The following PHF19 variants were observed in gnomAD, a reference collection of about 807,000 sequenced individuals.
PHF19 encodes PHD finger protein 19.
Under a neutral mutation model 79.8 loss-of-function variants are expected in PHF19, and 21 were observed. That is an observed-to-expected ratio of 0.26 (90% CI 0.19 to 0.38). The LOEUF is 0.38. Ranked by LOEUF, PHF19 falls within the 10% of genes least tolerant of loss-of-function variation. The pLI is 1.00. For missense variants in PHF19, 445 were observed against 744.2 expected (o/e 0.60, Z 4.68); for synonymous variants, 273 against 296.3 (o/e 0.92, Z 0.81).
At chr9:120,859,002 C>G (rs1479730657) in intron 14 of PHF19, among the ~76,000 whole-genome samples, 1 of 152,076 alleles carries the variant, frequency 6.6e-6, no homozygotes, top group Non-Finnish European at 1.5e-5. Flanking sequence ...GCCTGTAGTC[C>G]CAGCTACTCC....
Position 120,862,042 on chromosome 9 carries a change from G to C in PHF19, c.1131-37C>G, listed in dbSNP as rs750867886. 1 of 1,496,236 alleles carries C rather than the reference G, an allele frequency of 6.7e-7. No homozygotes were observed. The highest frequency in any genetic ancestry group is 2.3e-5 in the East Asian group (1 of 44,298). The allele number at this position is 1,496,236 out of a possible 1,614,324, so 92.7% of individuals were successfully genotyped here. A position where few individuals can be genotyped will look rare whatever the true frequency, so the allele number is the denominator to read the frequency against. On this transcript the variant is annotated intron_variant, in intron 11 of 14. Coordinates refer to ENST00000373896, the MANE Select transcript of PHF19 (RefSeq NM_015651.3). The surrounding 1 kb of genome is among the most constrained non-coding windows in gnomAD (Gnocchi z 4.6). ...GAAGAGGGAGAAGGTGGCCCCGTCA[G>C]AGCCTGAGGGCCCTAGGGTGGCCCA...
upstream of PHF19, among the ~76,000 whole-genome samples, chr9:120,899,298 A>G (rs1249808467): frequency 6.6e-6 from 1 of 151,956 alleles, no homozygotes; most frequent in African/African-American, 2.4e-5. Context: ...GGAGATCCAG[A>G]CCATCCTGGC....
upstream of PHF19, among the ~76,000 whole-genome samples, chr9:120,898,116 C>A (rs2046416634): frequency 6.6e-6 from 1 of 152,122 alleles, no homozygotes; most frequent in Non-Finnish European, 1.5e-5. Flanking sequence ...CAAACAATCT[C>A]TCTAAGATTG....
At chr9:120,886,658 C>T (rs1413302174) in intron 1 of PHF19, among the ~76,000 whole-genome samples, 10 of 152,220 alleles carry the variant, frequency 6.6e-5, no homozygotes, top group African/African-American at 1.4e-4. Flanking sequence ...CCCACTCCAA[C>T]GGCTGGTTCA....
upstream of PHF19, chr9:120,894,915 G>T: frequency 3.0e-6 from 2 of 662,614 alleles, no homozygotes; most frequent in South Asian, 7.6e-5. Context: ...TCAGAGAGTC[G>T]ACTCCTTAAA....
At chr9:120,877,293 G>T, upstream of PHF19, 1 of 958,948 alleles carries the variant, frequency 1.0e-6, no homozygotes, top group Non-Finnish European at 1.2e-6. Flanking sequence ...GGGCGCTCAG[G>T]AAGGGGCCCC....
rs887635933 is a variant in PHF19, at chr9:120,894,284, A to G, written c.42+504T>C. The stretch of plus-strand genomic sequence containing the variant: ...TGTTCTCTGTCAGTCATGGAACCCA[A>G]GATAAGGGCTCCAGCAGAAAGGAGA... On this transcript the variant is annotated intron_variant, in intron 1 of 14. Coordinates refer to the PHF19 transcript ENST00000616568. Among the ~76,000 whole-genome samples the G allele has an allele frequency of 8.5e-5, 13 of 152,198 alleles. No individual in the cohort carries two copies. The Middle Eastern group carries it at 0.016, about 185-fold the overall frequency.
intron 1 of PHF19, among the ~76,000 whole-genome samples, chr9:120,876,613 A>T (rs2046066061): frequency 6.6e-6 from 1 of 152,044 alleles, no homozygotes; most frequent in South Asian, 2.1e-4. Flanking sequence ...GCAGGAAGCG[A>T]GGATGATTCA....
At position 120,858,153 on chromosome 9, in the gene PHF19, G is replaced by C; in HGVS notation, c.1534C>G (p.Arg512Gly). 6.2e-7 allele frequency: 1 copy of C among 1,613,288 alleles called. No individual in the cohort carries two copies. Among genetic ancestry groups the C allele is most frequent in the Non-Finnish European group, 8.5e-7 (1 of 1,179,346 alleles). The change falls in exon 15 of 15, where the codon CGG becomes GGG. Residue 512 changes from arginine to glycine, a missense_variant. Physicochemically the swap from Arg to Gly is moderately radical, Grantham distance 125. Around this residue, in one of 5 missense-constraint regions of PHF19, gnomAD observed 125 missense variants for 180.5 expected, o/e 0.69. Transcript: ENST00000373896. ...SSAEGASVPE[R>G]PDEGIDSHTF... is the part of the protein sequence containing the mutation. Reference sequence around the variant, plus strand: ...TGGCTGTCAATGCCTTCGTCTGGCCGCTCGGGGACTGAAGCCCCCTCTGCA... The same window carrying C: ...TGGCTGTCAATGCCTTCGTCTGGCCCCTCGGGGACTGAAGCCCCCTCTGCA...
Position 120,858,250 on chromosome 9 carries a change from G to C in PHF19, c.1437C>G (p.Ala479=). The C allele has an allele frequency of 6.5e-7, 1 of 1,545,462 alleles. No homozygotes were observed. The highest frequency in any genetic ancestry group is 1.4e-5 in the African/African-American group (1 of 73,372). The part of the protein sequence containing the change: ...TVGSRKRKLA[A]KAYMPLRAKR... ...TTGCCCGCAGGGGCATGTATGCCTT[G>C]GCTGCCAGCTTCCTCTTTCGGCTGC... is the stretch of plus-strand genomic sequence containing the variant. Residue 479 remains alanine, a synonymous_variant, in exon 15 of 15, where the codon GCC becomes GCG. Transcript: ENST00000373896.
chr9:120,892,752 A>G (rs2131600512), intron 1 of PHF19, among the ~76,000 whole-genome samples: 1 of 151,822 alleles, frequency 6.6e-6, no homozygotes, highest in East Asian at 1.9e-4. Context: ...CAAATAAAGA[A>G]GTTAAGTGCT....
At position 120,874,479 on chromosome 9, in the gene PHF19, C is replaced by G. The variant is rs2045989896; in HGVS notation, c.186+77G>C. On this transcript the variant is annotated intron_variant, in intron 2 of 14. Coordinates refer to ENST00000373896, the MANE Select transcript of PHF19 (RefSeq NM_015651.3). This position sits in a 1 kb window ranked among gnomAD's most constrained non-coding sequence, Gnocchi z 4.5. ...AATTCTCCAGCAATCCCCCTGCCCC[C>G]TGGTCTGACAGCCAGGCTGGAACAT... The G allele has an allele frequency of 2.0e-6, 2 of 996,704 alleles. No homozygotes were observed. Among genetic ancestry groups the G allele is most frequent in the Non-Finnish European group, 3.1e-6 (2 of 645,564 alleles). 61.7% of individuals were successfully genotyped at this position (996,704 alleles called of 1,614,324 possible).
rs1485971509 is a variant in PHF19 at position 120,858,080 on chromosome 9, T to C, written c.1607A>G (p.Lys536Arg). ...SEDDSSLSHL[K>R]SSITNYFGAA... ...ACCAAAGTAGTTGGTGATAGATGAC[T>C]TGAGGTGGGACAGGGATGAGTCATC... The change falls in exon 15 of 15, where the codon AAG becomes AGG. Residue 536 changes from lysine to arginine, a missense_variant. By Grantham distance (26) the Lys-to-Arg change is conservative. Transcript: ENST00000373896. 6.2e-7 allele frequency: 1 copy of C among 1,614,220 alleles called. No homozygotes were observed. Among genetic ancestry groups the C allele is most frequent in the Non-Finnish European group, 8.5e-7 (1 of 1,180,020 alleles).
upstream of PHF19, among the ~76,000 whole-genome samples, chr9:120,880,286 G>C (rs764013632): frequency 3.3e-5 from 5 of 152,250 alleles, no homozygotes; most frequent in Non-Finnish European, 5.9e-5. Context: ...CTTGAGGTCA[G>C]GAGTTTGAGA....
intron 1 of PHF19, among the ~76,000 whole-genome samples, chr9:120,893,187 T>C (rs777495259): frequency 7.9e-5 from 12 of 152,230 alleles, no homozygotes; most frequent in Non-Finnish European, 1.2e-4. Flanking sequence ...CATTGTTAAA[T>C]GACTTAGTAA....
At chr9:120,873,878 C>A in intron 3 of PHF19, 101 bp downstream of exon 3, 1 of 699,588 alleles carries the variant, frequency 1.4e-6, no homozygotes, top group Non-Finnish European at 2.6e-6. Context: ...AGGGCAGATG[C>A]CAGGAGTAAG....
chr9:120,893,700 ATG>A, intron 1 of PHF19, among the ~76,000 whole-genome samples: 1 of 152,318 alleles, frequency 6.6e-6, no homozygotes, highest in South Asian at 2.1e-4. Flanking sequence ...AGATGACTGA[ATG>A]TAGTGTCTGG....
chr9:120,877,416 T>A (rs953589575), upstream of PHF19: 3 of 919,756 alleles, frequency 3.3e-6, no homozygotes, highest in East Asian at 1.2e-4. Context: ...GCCGCCGGGC[T>A]CCGCAGCGCC....
chr9:120,890,046 G>A (rs898058527), intron 1 of PHF19, among the ~76,000 whole-genome samples: 9 of 152,190 alleles, frequency 5.9e-5, no homozygotes, highest in Admixed American at 1.3e-4. Flanking sequence ...TTGAGCCCTG[G>A]AGGGCAGTGG....
Sources: allele counts gnomAD v4.1 joint callset (sites outside exome capture counted in the v4.1 genomes callset), GRCh38; gene constraint gnomAD v4.1.1; regional missense constraint gnomAD v4.1.1; non-coding constraint Gnocchi (gnomAD v3.1); transcripts MANE v1.5; gene names NCBI Gene and HGNC (gene_info 2026-07-23, HGNC 2026-07-21).